EBF4: variants seen among roughly 807,000 people sequenced by gnomAD.
The protein encoded by EBF4 is EBF transcription factor 4, also known as transcription factor COE4.
In EBF4, 34 loss-of-function variants were observed where a neutral mutation model predicts 67.1. The ratio of observed to expected loss-of-function variants is 0.51; its 90% CI spans 0.39 to 0.67. The LOEUF (loss-of-function observed/expected upper bound fraction) is 0.67. Ranked by LOEUF, EBF4 falls within the 30% of genes least tolerant of loss-of-function variation. The pLI is 0.00. For missense variants in EBF4, 837 were observed against 873.3 expected (o/e 0.96, Z 0.52); for synonymous variants, 387 against 377.7 (o/e 1.02, Z -0.29).
chr20:2,734,270 A>G (rs768038779), intron 6 of EBF4, among the ~76,000 whole-genome samples: 34 of 152,264 alleles, frequency 2.2e-4, no homozygotes, highest in Non-Finnish European at 4.6e-4. Context: ...TTAGCTGGGC[A>G]TGGTGGCTCA....
At chr20:2,709,037 T>C (rs2235814) in intron 5 of EBF4, among the ~76,000 whole-genome samples, 30,696 of 151,930 alleles carry the variant, frequency 0.2, 3,434 homozygotes, top group African/African-American at 0.29. Flanking sequence ...ATTACAAAAA[T>C]TAGCCAGGCG....
chr20:2,747,277 A>G lies in EBF4; in HGVS notation c.558-1272A>G, dbSNP rs1374691705. ...CAGTGAGACATGGCGAGCCTGGGCAACAGAGCAAGACTCTGTCTCAAAACA... is the reference window on the plus strand; with the variant it reads ...CAGTGAGACATGGCGAGCCTGGGCAGCAGAGCAAGACTCTGTCTCAAAACA... On this transcript the variant is annotated intron_variant, in intron 6 of 16. Coordinates refer to ENST00000609451, the Ensembl canonical transcript of EBF4. The surrounding 1 kb of genome is among the most constrained non-coding windows in gnomAD (Gnocchi z 4.6). 6.6e-6 allele frequency among the ~76,000 whole-genome samples: 1 copy of G among 151,624 alleles called. No individual in the cohort carries two copies. Among genetic ancestry groups the G allele is most frequent in the Non-Finnish European group, 1.5e-5 (1 of 67,924 alleles).
In EBF4 at chr20:2,749,446, G is replaced by T. The variant is rs576266102; in HGVS notation, c.685G>T (p.Val229Leu). ...GAGCGTGGACGGACACGTGCTGGCC[G>T]TGTCCGACAACATGTTTGTGCACAA... Residue 229 changes from valine (V) to leucine (L), a missense_variant, in exon 8 of 17, where the codon GTG becomes TTG. Transcript: ENST00000609451. 5 of 1,548,186 alleles carry T rather than the reference G, an allele frequency of 3.2e-6. No individual in the cohort carries two copies. In the East Asian group the frequency reaches 1.2e-4, roughly 38 times the overall value.
At chr20:2,694,161 C>G (rs572663319) in intron 1 of EBF4, among the ~76,000 whole-genome samples, 5 of 152,376 alleles carry the variant, frequency 3.3e-5, no homozygotes, top group African/African-American at 1.2e-4. Context: ...CAGTGACTCT[C>G]CTTGTCCAAT....
At chr20:2,723,533 T>C (rs1024796291) in intron 6 of EBF4, among the ~76,000 whole-genome samples, 9 of 151,914 alleles carry the variant, frequency 5.9e-5, no homozygotes, top group Non-Finnish European at 1.2e-4. Flanking sequence ...GTATTTTTAA[T>C]AGAGACGGGG....
intron 6 of EBF4, among the ~76,000 whole-genome samples, chr20:2,734,871 C>T (rs2087857467): frequency 6.6e-6 from 1 of 152,204 alleles, no homozygotes; most frequent in South Asian, 2.1e-4. Context: ...TTCCTGCTTG[C>T]TCAGGGCCTT....
chr20:2,700,483 C>A (rs1016376800), intron 1 of EBF4, among the ~76,000 whole-genome samples: 2 of 152,232 alleles, frequency 1.3e-5, no homozygotes, highest in East Asian at 3.9e-4. Context: ...CACTTTGGAG[C>A]GGCACCATGA....
intron 6 of EBF4, among the ~76,000 whole-genome samples, chr20:2,740,483 A>T (rs1028405): frequency 0.68 from 102,947 of 152,070 alleles, 36,712 homozygotes; most frequent in African/African-American, 0.9. Context: ...CCCCTGACAG[A>T]CCTGTAGTGG....
chr20:2,715,124 T>C (rs1277923117), intron 6 of EBF4, among the ~76,000 whole-genome samples: 3 of 152,148 alleles, frequency 2.0e-5, no homozygotes, highest in East Asian at 3.8e-4. Flanking sequence ...CCCATACCAC[T>C]GCCTAACCCT....
Position 2,755,622 on chromosome 20 carries a change from C to T in EBF4, c.1541-5C>T, listed in dbSNP as rs532707199. ...GCGCCTGCCCCTCCCCGCCCCGCCC[C>T]GGAGTCATGCCCTCTAGCCCCCCGC... On this transcript the variant is annotated splice_polypyrimidine_tract_variant and splice_region_variant and intron_variant, in intron 14 of 16. Coordinates refer to ENST00000609451, the Ensembl canonical transcript of EBF4. The surrounding 1 kb of genome is among the most constrained non-coding windows in gnomAD (Gnocchi z 4.7). 73 of 1,439,382 alleles carry T rather than the reference C, an allele frequency of 5.1e-5. No homozygotes were observed. Among genetic ancestry groups the T allele is most frequent in the African/African-American group, 2.7e-4 (19 of 71,090 alleles). 89.2% of individuals were successfully genotyped at this position (1,439,382 alleles called of 1,614,324 possible).
In EBF4 at chr20:2,745,015, C is replaced by T. The variant is rs1200717488; in HGVS notation, c.558-3534C>T. The stretch of plus-strand genomic sequence containing the variant: ...CAGCACATCTCAAGTTCGGACTAGC[C>T]ACACTGCAAGGGTTCATGCCGCGTG... On this transcript the variant is annotated intron_variant, in intron 6 of 16. Transcript: ENST00000609451. The surrounding 1 kb of genome is among the most constrained non-coding windows in gnomAD (Gnocchi z 5.2). Among the ~76,000 whole-genome samples the T allele has an allele frequency of 2.0e-5, 3 of 152,120 alleles. No individual in the cohort carries two copies. The highest frequency in any genetic ancestry group is 4.8e-5 in the African/African-American group (2 of 41,436).
rs1463393802 is a variant in EBF4, at chr20:2,705,735, T to TGA, written c.294+6_294+7dup. 1 of 1,545,036 alleles carries TGA rather than the reference T, an allele frequency of 6.5e-7. No homozygotes were observed. The highest frequency in any genetic ancestry group is 8.7e-7 in the Non-Finnish European group (1 of 1,144,810). On this transcript the variant is annotated splice_region_variant and intron_variant, in intron 2 of 16. Transcript: ENST00000609451. The stretch of plus-strand genomic sequence containing the variant: ...ATCGACTTCGTGGAAAAGGACCGAG[T>TGA]GAGAGGCTCATGGGCTTGGCTGGGA...
intron 1 of EBF4, among the ~76,000 whole-genome samples, chr20:2,697,510 A>C (rs1184644507): frequency 6.6e-6 from 1 of 150,608 alleles, no homozygotes. Flanking sequence ...GCGCCACTGC[A>C]CTCCAGCCTG....
At chr20:2,752,332 C>G in intron 13 of EBF4, 25 bp from the exon 14 acceptor site, 3 of 1,199,458 alleles carry the variant, frequency 2.5e-6, no homozygotes, top group African/African-American at 1.6e-5. Flanking sequence ...GCACCGCCCC[C>G]TGACGGCCGC....
intron 1 of EBF4, among the ~76,000 whole-genome samples, chr20:2,695,521 C>A (rs2087276323): frequency 6.6e-6 from 1 of 152,166 alleles, no homozygotes; most frequent in Non-Finnish European, 1.5e-5. Context: ...CAGGGGCTTT[C>A]TTCAGGCTCG....
chr20:2,712,239 A>T (rs967113114), intron 6 of EBF4, among the ~76,000 whole-genome samples: 1 of 152,168 alleles, frequency 6.6e-6, no homozygotes, highest in Non-Finnish European at 1.5e-5. Context: ...ATTGACAATG[A>T]CCTGTACAAG....
rs1271548808 is a variant in EBF4 at position 2,747,840 on chromosome 20, T to C, written c.558-709T>C. ...TACACCGTGCATGATGGGTACAGGC[T>C]CTGTGTCTGCTTAGTATGCCATATG... On this transcript the variant is annotated intron_variant, in intron 6 of 16. Transcript: ENST00000609451. This position sits in a 1 kb window ranked among gnomAD's most constrained non-coding sequence, Gnocchi z 4.6. Among the ~76,000 whole-genome samples, 3 of 152,204 alleles carry C rather than the reference T, an allele frequency of 2.0e-5. No individual in the cohort carries two copies. The highest frequency in any genetic ancestry group is 7.2e-5 in the African/African-American group (3 of 41,444).
intron 1 of EBF4, among the ~76,000 whole-genome samples, chr20:2,695,265 C>T (rs919851358): frequency 5.3e-5 from 8 of 152,214 alleles, no homozygotes; most frequent in African/African-American, 1.9e-4. Context: ...TTCCATTTCT[C>T]TGCAACCTTT....
chr20:2,704,050 A>G (rs2087415624), intron 1 of EBF4, among the ~76,000 whole-genome samples: 1 of 152,020 alleles, frequency 6.6e-6, no homozygotes, highest in Non-Finnish European at 1.5e-5. Context: ...TCACTAATCC[A>G]AAAAAGGGAA....
Sources: gnomAD v4.1 joint callset for allele counts (sites outside exome capture counted in the v4.1 genomes callset) on GRCh38, gnomAD v4.1.1 for gene constraint, Gnocchi (gnomAD v3.1) non-coding constraint, MANE v1.5 for transcripts, NCBI Gene and HGNC (gene_info 2026-07-23, HGNC 2026-07-21) for gene names.